ANO10: variants seen among roughly 807,000 people sequenced by gnomAD.
ANO10 encodes the protein anoctamin 10.
ANO10 carries 77 observed loss-of-function variants against 74.7 expected under a neutral mutation model. The ratio of observed to expected loss-of-function variants is 1.03; its 90% CI spans 0.86 to 1.25. ANO10 has a LOEUF of 1.25. ANO10 is among the 50% of genes most tolerant of loss of function. ANO10 has a pLI of 0.00. For synonymous variants in ANO10, 279 were observed against 284.9 expected (o/e 0.98, Z 0.21); for missense variants, 721 against 778.1 (o/e 0.93, Z 0.87).
intron 6 of ANO10, among the ~76,000 whole-genome samples, 162 bp from the exon 7 acceptor site, chr3:43,575,026 A>G (rs2080929234): frequency 1.3e-5 from 2 of 152,172 alleles, no homozygotes; most frequent in South Asian, 4.2e-4. Flanking sequence ...TACCACCAAG[A>G]GCATCAAACA....
intron 12 of ANO10, among the ~76,000 whole-genome samples, chr3:43,379,393 T>C (rs369665968): frequency 9.3e-5 from 14 of 150,450 alleles, no homozygotes; most frequent in African/African-American, 2.5e-4. Flanking sequence ...AAATGGCAAA[T>C]AGAAGGAAGG....
In ANO10 at chr3:43,571,877, A is replaced by T. The variant is rs1365980971; in HGVS notation, c.1218+2932T>A. The stretch of plus-strand genomic sequence containing the variant: ...TTTCCTACATTAAAAAAAAAAAAAA[A>T]AGAAAAATGTAATGGGAGACTTCCA... On this transcript the variant is annotated intron_variant, in intron 7 of 12. Coordinates refer to ENST00000292246, the MANE Select transcript of ANO10 (RefSeq NM_018075.5). Among the ~76,000 whole-genome samples, 377 of 151,486 alleles carry T rather than the reference A, an allele frequency of 2.5e-3. 1 individual carries two copies. The highest frequency in any genetic ancestry group is 8.6e-3 in the African/African-American group (358 of 41,414).
intron 12 of ANO10, among the ~76,000 whole-genome samples, chr3:43,390,925 T>G (rs2092259123): frequency 6.6e-6 from 1 of 152,226 alleles, no homozygotes; most frequent in African/African-American, 2.4e-5. Flanking sequence ...ATTTAGTAGG[T>G]CTGGGGAGGA....
At chr3:43,406,719 C>T (rs143688051) in intron 12 of ANO10, among the ~76,000 whole-genome samples, 123 of 152,258 alleles carry the variant, frequency 8.1e-4, no homozygotes, top group African/African-American at 2.8e-3. Flanking sequence ...TAGTTCACAA[C>T]TCCATAGCAA....
At chr3:43,674,451 C>T (rs142371496) in intron 1 of ANO10, among the ~76,000 whole-genome samples, 13 of 152,224 alleles carry the variant, frequency 8.5e-5, no homozygotes, top group South Asian at 6.2e-4. Context: ...TGCCTGGCCA[C>T]GGGAGTGTAG....
chr3:43,590,273 T>C (rs1377168186), intron 4 of ANO10, among the ~76,000 whole-genome samples: 1 of 152,174 alleles, frequency 6.6e-6, no homozygotes, highest in Non-Finnish European at 1.5e-5. Flanking sequence ...TACATCTTAC[T>C]TACAAATAAA....
chr3:43,643,278 G>A (rs1189131393), intron 1 of ANO10, among the ~76,000 whole-genome samples: 4 of 151,690 alleles, frequency 2.6e-5, no homozygotes, highest in African/African-American at 7.3e-5. Flanking sequence ...TGATCCACCC[G>A]CCTCGGCCTC....
intron 12 of ANO10, among the ~76,000 whole-genome samples, chr3:43,387,362 C>G (rs1193558771): frequency 2.6e-5 from 4 of 152,162 alleles, no homozygotes; most frequent in Non-Finnish European, 4.4e-5. Flanking sequence ...GCTGTAATTG[C>G]CCCTTATCAC....
intron 12 of ANO10, among the ~76,000 whole-genome samples, chr3:43,388,895 T>C (rs2092201514): frequency 6.6e-6 from 1 of 152,230 alleles, no homozygotes; most frequent in Non-Finnish European, 1.5e-5. Context: ...AATTCCTCAC[T>C]GCTTCTAAGT....
chr3:43,594,367 T>C lies in ANO10; in HGVS notation c.472+4165A>G, dbSNP rs535664902. Among the ~76,000 whole-genome samples the C allele has an allele frequency of 1.1e-4, 17 of 152,208 alleles. No homozygotes were observed. In the South Asian group the frequency reaches 1.7e-3, roughly 15 times the overall value. Reference sequence around the variant, plus strand: ...ATTGACCACATAGTCGGAAGTAAAGTACTCCTCAGCAAATGAAAAAGAACA... The same window carrying C: ...ATTGACCACATAGTCGGAAGTAAAGCACTCCTCAGCAAATGAAAAAGAACA... On this transcript the variant is annotated intron_variant, in intron 4 of 12. Coordinates refer to ENST00000292246, the MANE Select transcript of ANO10 (RefSeq NM_018075.5).
chr3:43,434,115 A>C (rs1256274655), intron 11 of ANO10, among the ~76,000 whole-genome samples: 1 of 152,236 alleles, frequency 6.6e-6, no homozygotes, highest in Non-Finnish European at 1.5e-5. Context: ...GCAATAATTT[A>C]ATCAGAAGAC....
chr3:43,635,035 C>T (rs1303399003), intron 1 of ANO10, among the ~76,000 whole-genome samples: 1 of 151,984 alleles, frequency 6.6e-6, no homozygotes, highest in Non-Finnish European at 1.5e-5. Context: ...AGGAGAAGTC[C>T]ATGGAGCTGG....
rs11443612 is a variant in ANO10 at position 43,676,838 on chromosome 3, A to ATT, written c.-12+14677_-12+14678dup. 3.4e-3 allele frequency among the ~76,000 whole-genome samples: 509 copies of ATT among 148,438 alleles called. 2 individuals carry two copies. Among genetic ancestry groups the ATT allele is most frequent in the African/African-American group, 0.011 (468 of 40,768 alleles). On this transcript the variant is annotated intron_variant, in intron 1 of 3. Transcript: ENST00000413397. ...AATCTTGAATTAAATTAACCAGATA[A>ATT]TTTTTTTTTTTTACTTCCCGCTTTC...
chr3:43,668,547 C>G (rs1283916562), intron 1 of ANO10, among the ~76,000 whole-genome samples: 1 of 151,948 alleles, frequency 6.6e-6, no homozygotes, highest in Admixed American at 6.6e-5. Context: ...TTCTAGAACT[C>G]TTACTGTTTT....
intron 11 of ANO10, among the ~76,000 whole-genome samples, chr3:43,540,819 C>T (rs1055279711): frequency 6.6e-6 from 1 of 152,202 alleles, no homozygotes; most frequent in Non-Finnish European, 1.5e-5. Flanking sequence ...AAATGTATCT[C>T]TTGCATAATT....
chr3:43,616,161 C>T (rs1011752319), intron 1 of ANO10, among the ~76,000 whole-genome samples: 2 of 152,148 alleles, frequency 1.3e-5, no homozygotes, highest in Admixed American at 1.3e-4. Context: ...GACTGCAAAG[C>T]TTCAGAGAGC....
At chr3:43,502,634 T>C (rs2077140185) in intron 11 of ANO10, among the ~76,000 whole-genome samples, 1 of 152,112 alleles carries the variant, frequency 6.6e-6, no homozygotes, top group African/African-American at 2.4e-5. Context: ...AGGTATTCCT[T>C]TTATAACAAC....
chr3:43,668,724 A>T (rs181097790), intron 1 of ANO10, among the ~76,000 whole-genome samples: 2 of 152,260 alleles, frequency 1.3e-5, no homozygotes, highest in Non-Finnish European at 2.9e-5. Flanking sequence ...TTTGTTGAAG[A>T]TCAGTTGGCT....
intron 12 of ANO10, among the ~76,000 whole-genome samples, chr3:43,379,365 A>T (rs763972012): frequency 4.6e-5 from 7 of 152,230 alleles, no homozygotes; most frequent in South Asian, 2.1e-4. Context: ...AGAAGTGAGG[A>T]GTGAGCCCTG....
Sources: allele counts gnomAD v4.1 joint callset (sites outside exome capture counted in the v4.1 genomes callset), GRCh38; gene constraint gnomAD v4.1.1; transcripts MANE v1.5; gene names NCBI Gene and HGNC (gene_info 2026-07-23, HGNC 2026-07-21).